RBL2: variants seen among roughly 807,000 people sequenced by gnomAD.
RBL2 encodes the protein retinoblastoma-like protein 2.
Under a neutral mutation model 126.0 loss-of-function variants are expected in RBL2, and 56 were observed. The ratio of observed to expected loss-of-function variants is 0.44; its 90% CI spans 0.36 to 0.56. RBL2 has a LOEUF of 0.56. Among genes scored for constraint, RBL2 ranks in the 20% least tolerant of loss-of-function variants. RBL2 has a pLI of 0.00. For synonymous variants in RBL2, 454 were observed against 478.5 expected, an observed-to-expected ratio of 0.95 and a Z score of 0.67; for missense variants, 1,229 against 1,398.2, an observed-to-expected ratio of 0.88 and a Z score of 1.93.
chr16:53,488,713 T>C (rs2150834399), intron 21 of RBL2: 1 of 152,342 alleles, frequency 6.6e-6, no homozygotes, highest in East Asian at 1.9e-4. Context: ...TTAGTGATAC[T>C]TGACAGAGCA....
At chr16:53,434,873 G>C in intron 1 of RBL2, 77 bp downstream of exon 1, 2 of 1,401,400 alleles carry the variant, frequency 1.4e-6, no homozygotes, top group East Asian at 2.9e-5. Context: ...CGCGCGCCTC[G>C]AGAGACTCTC....
At chr16:53,484,007 AGAC>A (rs1254467088) in intron 21 of RBL2, among the ~76,000 whole-genome samples, 34 of 152,252 alleles carry the variant, frequency 2.2e-4, no homozygotes, top group African/African-American at 7.5e-4. Context: ...GAATAAATGA[AGAC>A]ATACCAGCGA....
rs1254308733 is a variant in RBL2, at chr16:53,491,598, G to GTAA, written c.*1300_*1302dup. On this transcript the variant is annotated 3_prime_UTR_variant, in exon 22 of 22. Transcript: ENST00000262133. ...TAAAACTTCTCAAGATACTGCTACT[G>GTAA]TAATTTTATATGAAGATAAGTGTAT... The GTAA allele has an allele frequency of 6.6e-6, 1 of 152,564 alleles. No individual in the cohort carries two copies. Among genetic ancestry groups the GTAA allele is most frequent in the Non-Finnish European group, 1.5e-5 (1 of 68,010 alleles). The allele number at this position is 152,564 out of a possible 1,614,324, so 9.5% of individuals were successfully genotyped here.
In RBL2 at chr16:53,447,038, A is replaced by G; in HGVS notation, c.573-4A>G. On this transcript the variant is annotated splice_polypyrimidine_tract_variant and splice_region_variant and intron_variant, in intron 3 of 21. Transcript: ENST00000262133. ...TCATGACTTTTTTTTTTCTTCCCCC[A>G]AAGGCGACAGCCCTGTACTGTGTCT... 6.7e-7 allele frequency: 1 copy of G among 1,502,648 alleles called. No homozygotes were observed. Among genetic ancestry groups the G allele is most frequent in the Non-Finnish European group, 8.8e-7 (1 of 1,130,134 alleles). 93.1% of individuals were successfully genotyped at this position (1,502,648 alleles called of 1,614,324 possible).
At chr16:53,452,643 T>A in intron 5 of RBL2, among the ~76,000 whole-genome samples, 1 of 152,150 alleles carries the variant, frequency 6.6e-6, no homozygotes. Context: ...CCTTTCACTT[T>A]TATCTTTTTT....
At chr16:53,487,983 A>G (rs1166031073) in intron 21 of RBL2, 2 of 152,226 alleles carry the variant, frequency 1.3e-5, no homozygotes, top group Non-Finnish European at 2.9e-5. Flanking sequence ...TGAACGCAAA[A>G]TGGCATCGCC....
intron 14 of RBL2, among the ~76,000 whole-genome samples, chr16:53,468,889 G>GTACCA (rs1330923294): frequency 6.6e-6 from 1 of 152,292 alleles, no homozygotes; most frequent in East Asian, 1.9e-4. Flanking sequence ...AATGGGTTGT[G>GTACCA]TACCACTGAA....
intron 19 of RBL2, 93 bp downstream of exon 19, chr16:53,480,084 T>G: frequency 1.2e-6 from 1 of 819,884 alleles, no homozygotes; most frequent in African/African-American, 1.7e-5. Context: ...CTAAATGAAA[T>G]AACTATAGAA....
intron 21 of RBL2, among the ~76,000 whole-genome samples, chr16:53,482,465 G>A (rs887436572): frequency 5.9e-5 from 9 of 152,200 alleles, no homozygotes; most frequent in Admixed American, 1.3e-4. Flanking sequence ...CTATGTTAGC[G>A]AGTGGAACTG....
At position 53,483,545 on chromosome 16, in the gene RBL2, A is replaced by G. The variant is rs76145580; in HGVS notation, c.3249+1710A>G. On this transcript the variant is annotated intron_variant, in intron 21 of 21. Transcript: ENST00000262133. ...AAAGTGAGAAACCCTGTCTGTTTGGAAAAAAAAGTTGAGGAAAACAAGTAA... is the reference window on the plus strand; with the variant it reads ...AAAGTGAGAAACCCTGTCTGTTTGGGAAAAAAAGTTGAGGAAAACAAGTAA... Among the ~76,000 whole-genome samples, 602 of 152,042 alleles carry G rather than the reference A, an allele frequency of 4.0e-3. 2 individuals are homozygous for G. Among genetic ancestry groups the G allele is most frequent in the African/African-American group, 0.014 (570 of 41,470 alleles).
chr16:53,466,485 C>T (rs2058273290), intron 13 of RBL2, among the ~76,000 whole-genome samples: 1 of 151,714 alleles, frequency 6.6e-6, no homozygotes, highest in South Asian at 2.1e-4. Context: ...GAGCCCTGAG[C>T]TTGTTTTCCT....
intron 8 of RBL2, among the ~76,000 whole-genome samples, chr16:53,456,987 G>A (rs1193272782): frequency 1.3e-5 from 2 of 152,074 alleles, no homozygotes; most frequent in Non-Finnish European, 2.9e-5. Flanking sequence ...CTTCACCAAG[G>A]CTGTGACCAG....
intron 5 of RBL2, 62 bp from the exon 6 acceptor site, chr16:53,453,390 G>C: frequency 6.9e-7 from 1 of 1,453,994 alleles, no homozygotes; most frequent in African/African-American, 1.4e-5. Flanking sequence ...TTACATTTTA[G>C]TTTATTACAA....
intron 4 of RBL2, among the ~76,000 whole-genome samples, chr16:53,448,584 A>G (rs2058085856): frequency 6.6e-6 from 1 of 152,122 alleles, no homozygotes; most frequent in African/African-American, 2.4e-5. Context: ...CTTGTGTTCA[A>G]GTGATTCTTG....
chr16:53,454,170 G>A, intron 7 of RBL2: 1 of 438,638 alleles, frequency 2.3e-6, no homozygotes, highest in Non-Finnish European at 4.5e-6. Context: ...ATGAGCTTGG[G>A]GATAGCAGGA....
At chr16:53,453,916 T>TA in intron 7 of RBL2, 147 bp downstream of exon 7, 1 of 670,326 alleles carries the variant, frequency 1.5e-6, no homozygotes, top group Non-Finnish European at 2.5e-6. Flanking sequence ...GTCACCTAAA[T>TA]ATAAGCACAC....
At chr16:53,440,800 C>T (rs768751612) in intron 2 of RBL2, among the ~76,000 whole-genome samples, 36 of 152,074 alleles carry the variant, frequency 2.4e-4, no homozygotes, top group African/African-American at 7.2e-4. Flanking sequence ...GTGATCCACC[C>T]GCCTTGGACT....
At chr16:53,453,841 T>G in intron 7 of RBL2, 72 bp downstream of exon 7, 2 of 1,315,882 alleles carry the variant, frequency 1.5e-6, no homozygotes, top group Non-Finnish European at 2.1e-6. Context: ...GTTAGTGTTT[T>G]TATTGTTTGT....
intron 15 of RBL2, 34 bp downstream of exon 15, chr16:53,470,219 C>T (rs1260652923): frequency 6.3e-7 from 1 of 1,579,584 alleles, no homozygotes; most frequent in Non-Finnish European, 8.6e-7. Context: ...TGAGTTCCTT[C>T]TCTGTGGCAT....
Sources: allele counts gnomAD v4.1 joint callset (sites outside exome capture counted in the v4.1 genomes callset), GRCh38; gene constraint gnomAD v4.1.1; transcripts MANE v1.5; gene names NCBI Gene and HGNC (gene_info 2026-07-23, HGNC 2026-07-21).